The following TMEM178B variants were observed in gnomAD, a reference collection of about 807,000 sequenced individuals.
TMEM178B encodes the protein transmembrane protein 178B.
TMEM178B carries 5 observed loss-of-function variants against 31.0 expected under a neutral mutation model. The ratio of observed to expected loss-of-function variants is 0.16; its 90% CI spans 0.08 to 0.34. The LOEUF (loss-of-function observed/expected upper bound fraction) is 0.34, where lower values mean the gene tolerates loss of function less well. TMEM178B is among the 10% of genes least tolerant of loss of function. TMEM178B has a pLI of 1.00. For synonymous variants in TMEM178B, 164 were observed against 164.0 expected, an observed-to-expected ratio of 1.00 and a Z score of 0.00; for missense variants, 275 against 400.3, an observed-to-expected ratio of 0.69 and a Z score of 2.67.
chr7:141,215,500 A>G (rs2129188294), intron 2 of TMEM178B, among the ~76,000 whole-genome samples: 1 of 151,852 alleles, frequency 6.6e-6, no homozygotes, highest in Non-Finnish European at 1.5e-5. Context: ...TAACTTCTGT[A>G]TTTTTAGTAG....
chr7:141,492,605 G>A, the TMEM178B span, among the ~76,000 whole-genome samples: 5 of 152,308 alleles, frequency 3.3e-5, no homozygotes, highest in South Asian at 4.1e-4. Context: ...GCGAGTTTCC[G>A]TAACAGGACC....
chr7:141,490,474 A>T, the TMEM178B span, among the ~76,000 whole-genome samples: 2 of 152,218 alleles, frequency 1.3e-5, no homozygotes, highest in Non-Finnish European at 2.9e-5. Flanking sequence ...GATTGCCAGT[A>T]ACAACCAGCA....
At chr7:141,311,432 G>A (rs1428769666) in intron 2 of TMEM178B, among the ~76,000 whole-genome samples, 1 of 152,052 alleles carries the variant, frequency 6.6e-6, no homozygotes, top group South Asian at 2.1e-4. Context: ...TGGCTAATAT[G>A]CTTTGCTCTT....
chr7:141,155,120 T>C (rs1358980556), intron 1 of TMEM178B, among the ~76,000 whole-genome samples: 1 of 152,162 alleles, frequency 6.6e-6, no homozygotes, highest in Non-Finnish European at 1.5e-5. Context: ...TGTGGAGGAC[T>C]CATAGGACAC....
chr7:141,256,247 T>G (rs1334464336), intron 2 of TMEM178B, among the ~76,000 whole-genome samples: 3 of 152,122 alleles, frequency 2.0e-5, no homozygotes, highest in Non-Finnish European at 4.4e-5. Context: ...CAAGTAAACT[T>G]AAATTAAAAG....
intron 1 of TMEM178B, among the ~76,000 whole-genome samples, chr7:141,140,136 G>A (rs890026624): frequency 6.6e-6 from 1 of 152,166 alleles, no homozygotes; most frequent in Admixed American, 6.5e-5. Flanking sequence ...TACCCCCTCA[G>A]CCTTATTTCC....
At chr7:141,489,953 A>C in the TMEM178B span, among the ~76,000 whole-genome samples, 7 of 152,240 alleles carry the variant, frequency 4.6e-5, no homozygotes, top group Non-Finnish European at 5.9e-5. Context: ...GCAAAGCTTA[A>C]TGCTTGCTCA....
At chr7:141,218,418 A>G (rs1797196567) in intron 2 of TMEM178B, among the ~76,000 whole-genome samples, 1 of 152,146 alleles carries the variant, frequency 6.6e-6, no homozygotes, top group Non-Finnish European at 1.5e-5. Flanking sequence ...AGGAGGGACA[A>G]GAAGTAAAAA....
intron 3 of TMEM178B, among the ~76,000 whole-genome samples, chr7:141,452,875 C>T (rs1248328093): frequency 6.6e-6 from 1 of 152,118 alleles, no homozygotes; most frequent in African/African-American, 2.4e-5. Context: ...TTGTGGCTCC[C>T]AGTTATTAAG....
At chr7:141,442,361 A>G (rs567836649) in intron 3 of TMEM178B, among the ~76,000 whole-genome samples, 7 of 152,284 alleles carry the variant, frequency 4.6e-5, no homozygotes, top group African/African-American at 1.7e-4. Flanking sequence ...CCACCCTGCA[A>G]TCAGTCCTTC....
chr7:141,164,772 T>C (rs984980513), intron 1 of TMEM178B, among the ~76,000 whole-genome samples: 1 of 152,162 alleles, frequency 6.6e-6, no homozygotes, highest in South Asian at 2.1e-4. Flanking sequence ...AGTTCAGGGC[T>C]GATAAGAGGG....
At chr7:141,083,214 G>A (rs573728249) in intron 1 of TMEM178B, among the ~76,000 whole-genome samples, 1 of 152,068 alleles carries the variant, frequency 6.6e-6, no homozygotes, top group African/African-American at 2.4e-5. Flanking sequence ...GAGGAGGAAG[G>A]GTGTGACTTG....
At chr7:141,201,443 G>A (rs1796876308) in intron 1 of TMEM178B, among the ~76,000 whole-genome samples, 1 of 152,198 alleles carries the variant, frequency 6.6e-6, no homozygotes, top group African/African-American at 2.4e-5. Flanking sequence ...GTGGGGAGGG[G>A]CATGATCATT....
At chr7:141,367,064 A>G (rs114087317) in intron 2 of TMEM178B, among the ~76,000 whole-genome samples, 9,219 of 92,096 alleles carry the variant, frequency 0.1, 378 homozygotes, top group Admixed American at 0.19. Context: ...GCTGCCATTC[A>G]GGGGGAGCCA....
At chr7:141,489,954 T>C in the TMEM178B span, among the ~76,000 whole-genome samples, 1 of 152,260 alleles carries the variant, frequency 6.6e-6, no homozygotes. Flanking sequence ...CAAAGCTTAA[T>C]GCTTGCTCAT....
At chr7:141,364,108 C>A (rs1265383106) in intron 2 of TMEM178B, among the ~76,000 whole-genome samples, 1 of 152,122 alleles carries the variant, frequency 6.6e-6, no homozygotes, top group African/African-American at 2.4e-5. Context: ...AGCTTTCCAT[C>A]TTCTAGAAGT....
chr7:141,437,891 T>C, intron 3 of TMEM178B, 146 bp downstream of exon 3: 1 of 1,208,936 alleles, frequency 8.3e-7, no homozygotes, highest in South Asian at 1.5e-5. Flanking sequence ...CAAGCACTTC[T>C]TGAGTTGCTT....
intron 2 of TMEM178B, among the ~76,000 whole-genome samples, chr7:141,296,733 G>A (rs1385904561): frequency 6.6e-6 from 1 of 152,216 alleles, no homozygotes; most frequent in East Asian, 1.9e-4. Context: ...GTGACATCTT[G>A]CATCACTCTA....
chr7:141,129,902 T>G (rs1795566683), intron 1 of TMEM178B, among the ~76,000 whole-genome samples: 2 of 152,174 alleles, frequency 1.3e-5, no homozygotes, highest in African/African-American at 4.8e-5. Flanking sequence ...TGACAATTTG[T>G]TGAGTTTTTC....
Sources: gnomAD v4.1 joint callset for allele counts (sites outside exome capture counted in the v4.1 genomes callset) on GRCh38, gnomAD v4.1.1 for gene constraint, MANE v1.5 for transcripts, NCBI Gene and HGNC (gene_info 2026-07-23, HGNC 2026-07-21) for gene names.